The following WNK1 variants were observed in gnomAD, a reference collection of about 807,000 sequenced individuals.
WNK1 encodes the protein serine/threonine-protein kinase WNK1.
In WNK1, 38 loss-of-function variants were observed where a neutral mutation model predicts 222.8. That is an observed-to-expected ratio of 0.17 (90% CI 0.13 to 0.22). The LOEUF (loss-of-function observed/expected upper bound fraction) is 0.22. Ranked by LOEUF, WNK1 falls within the 10% of genes least tolerant of loss-of-function variation. The probability of loss-of-function intolerance (pLI) is 1.00; values close to 1 mark genes in which losing one functional copy is unlikely to be tolerated. For synonymous variants in WNK1, 1,090 were observed against 1,092.9 expected (o/e 1.00, Z 0.05); for missense variants, 2,348 against 2,918.4 (o/e 0.80, Z 4.50).
chr12:776,412 TTGTGTGTGTGTG>T lies in WNK1; in HGVS notation c.759+22110_759+22121del, dbSNP rs59148357. 4.8e-5 allele frequency among the ~76,000 whole-genome samples: 7 copies of T among 146,232 alleles called. No homozygotes were observed. The East Asian group carries it at 1.2e-3, about 26-fold the overall frequency. ...CAGATCTCTGTGTGTGTTTGTGTGT[TTGTGTGTGTGTG>T]TGTGTGTGTGTGTGTGTGTGTTTCT... On this transcript the variant is annotated intron_variant, in intron 1 of 27. Coordinates refer to ENST00000315939, the MANE Select transcript of WNK1 (RefSeq NM_018979.4).
chr12:822,888 T>C (rs1157245212), intron 2 of WNK1, among the ~76,000 whole-genome samples: 2 of 152,228 alleles, frequency 1.3e-5, no homozygotes, highest in Non-Finnish European at 2.9e-5. Context: ...AGTTATTGTC[T>C]AGTGTTCTTT....
intron 1 of WNK1, among the ~76,000 whole-genome samples, chr12:779,397 G>GTTTTTTTTTTTTTTTTTTTTTTTTTT (rs5795950): frequency 2.4e-5 from 3 of 124,272 alleles, no homozygotes; most frequent in Non-Finnish European, 3.4e-5. Context: ...TTTCTTTTCT[G>GTTTTTTTTTTTTTTTTTTTTTTTTTT]TTTTTTTTTT....
intron 9 of WNK1, among the ~76,000 whole-genome samples, chr12:875,215 G>A (rs1479913681): frequency 1.3e-5 from 2 of 152,104 alleles, no homozygotes; most frequent in Admixed American, 1.3e-4. Context: ...GATGTATTGG[G>A]GGCTGGGAGC....
intron 26 of WNK1, among the ~76,000 whole-genome samples, chr12:904,144 G>A (rs925957185): frequency 9.9e-5 from 15 of 152,278 alleles, no homozygotes; most frequent in African/African-American, 2.6e-4. Flanking sequence ...TGAGACCTGA[G>A]AGACTGGAGT....
chr12:837,874 A>T (rs1429827054), intron 4 of WNK1, among the ~76,000 whole-genome samples: 3 of 152,232 alleles, frequency 2.0e-5, no homozygotes, highest in African/African-American at 7.2e-5. Flanking sequence ...TTTTCTATAC[A>T]AACATTCCCC....
At chr12:876,491 T>C (rs1277170113) in intron 9 of WNK1, among the ~76,000 whole-genome samples, 3 of 152,202 alleles carry the variant, frequency 2.0e-5, no homozygotes, top group Non-Finnish European at 4.4e-5. Flanking sequence ...TTTAGCATTC[T>C]TTTGGTGATT....
At chr12:875,802 GT>G (rs1350389576) in intron 9 of WNK1, among the ~76,000 whole-genome samples, 1 of 152,194 alleles carries the variant, frequency 6.6e-6, no homozygotes, top group East Asian at 1.9e-4. Flanking sequence ...CCTATGTAGA[GT>G]TTGGGGGAGA....
At chr12:857,589 C>T (rs1200766573) in intron 5 of WNK1, among the ~76,000 whole-genome samples, 4 of 152,306 alleles carry the variant, frequency 2.6e-5, no homozygotes, top group Admixed American at 1.3e-4. Flanking sequence ...TAGTCCTTTA[C>T]CATTGAATTC....
intron 20 of WNK1, 113 bp downstream of exon 20, chr12:887,417 C>T: frequency 1.0e-6 from 1 of 973,278 alleles, no homozygotes; most frequent in Non-Finnish European, 1.6e-6. Flanking sequence ...GACTTAGTAA[C>T]ACCTTTCTTT....
intron 5 of WNK1, among the ~76,000 whole-genome samples, chr12:857,620 T>C (rs1430919421): frequency 1.3e-5 from 2 of 152,248 alleles, no homozygotes; most frequent in Non-Finnish European, 2.9e-5. Flanking sequence ...AATAAAACTT[T>C]GGCTCTTTAA....
intron 26 of WNK1, among the ~76,000 whole-genome samples, chr12:905,116 T>A (rs754021278): frequency 7.9e-5 from 12 of 152,172 alleles, no homozygotes; most frequent in Non-Finnish European, 1.6e-4. Flanking sequence ...AGGAGGAAAT[T>A]TAAAAATGAA....
chr12:901,472 A>G (rs1377204343), intron 26 of WNK1: 2 of 907,286 alleles, frequency 2.2e-6, no homozygotes, highest in African/African-American at 3.5e-5. Context: ...AGTGCATTTC[A>G]CCACTCCAGC....
intron 20 of WNK1, among the ~76,000 whole-genome samples, chr12:888,916 A>G (rs972828235): frequency 1.3e-5 from 2 of 152,254 alleles, no homozygotes; most frequent in African/African-American, 2.4e-5. Flanking sequence ...CTGCAAAAAC[A>G]TGAACTACTC....
At position 884,115 on chromosome 12, in the gene WNK1, G is replaced by C; in HGVS notation, c.3722-6G>C. 1.2e-6 allele frequency: 2 copies of C among 1,613,972 alleles called. No individual in the cohort carries two copies. The highest frequency in any genetic ancestry group is 1.7e-6 in the Non-Finnish European group (2 of 1,179,996). ...AAGTTACGTTTGTTTGTTTGTTTTT[G>C]ACCAGGCATTCCTACCAGTTCTTTA... On this transcript the variant is annotated splice_polypyrimidine_tract_variant and splice_region_variant and intron_variant, in intron 17 of 27. Coordinates refer to ENST00000315939, the MANE Select transcript of WNK1 (RefSeq NM_018979.4). This position sits in a 1 kb window ranked among gnomAD's most constrained non-coding sequence, Gnocchi z 5.6.
chr12:874,093 C>T (rs1479862319), intron 9 of WNK1, among the ~76,000 whole-genome samples: 1 of 151,612 alleles, frequency 6.6e-6, no homozygotes, highest in Non-Finnish European at 1.5e-5. Flanking sequence ...GAGTTCAAGG[C>T]TACAGTGAAC....
At chr12:789,637 G>A (rs1341530936) in intron 1 of WNK1, among the ~76,000 whole-genome samples, 2 of 149,356 alleles carry the variant, frequency 1.3e-5, no homozygotes, top group Admixed American at 1.4e-4. Flanking sequence ...GGCTCAAGCA[G>A]TCCTCCCACT....
At chr12:802,751 A>G (rs1045162274) in intron 1 of WNK1, among the ~76,000 whole-genome samples, 1 of 152,200 alleles carries the variant, frequency 6.6e-6, no homozygotes, top group Non-Finnish European at 1.5e-5. Flanking sequence ...TTTGTTTCTA[A>G]ATGAAAATGT....
chr12:871,937 T>C (rs1952188948), intron 9 of WNK1, among the ~76,000 whole-genome samples: 1 of 152,166 alleles, frequency 6.6e-6, no homozygotes. Flanking sequence ...ACAAAGAGTA[T>C]GTCATTCCTT....
At chr12:818,757 T>A (rs1445173486) in intron 2 of WNK1, among the ~76,000 whole-genome samples, 1 of 152,206 alleles carries the variant, frequency 6.6e-6, no homozygotes, top group Non-Finnish European at 1.5e-5. Context: ...GTCTTTCACT[T>A]AGCATGGTGT....
Sources: allele counts gnomAD v4.1 joint callset (sites outside exome capture counted in the v4.1 genomes callset), GRCh38; gene constraint gnomAD v4.1.1; non-coding constraint Gnocchi (gnomAD v3.1); transcripts MANE v1.5; gene names NCBI Gene and HGNC (gene_info 2026-07-23, HGNC 2026-07-21).